Variants in TMEM116 observed in about 807,000 individuals in gnomAD.
TMEM116 encodes transmembrane protein 116.
In TMEM116, 38 loss-of-function variants were observed where a neutral mutation model predicts 44.3. The observed-to-expected ratio is 0.86, with a 90% CI of 0.66 to 1.12. The LOEUF (loss-of-function observed/expected upper bound fraction) is 1.12. TMEM116 is among the 50% of genes most tolerant of loss of function. The pLI is 0.00. For missense variants in TMEM116, 354 were observed against 401.7 expected (o/e 0.88, Z 1.01); for synonymous variants, 132 against 144.8 (o/e 0.91, Z 0.64).
At chr12:111,939,416 G>A (rs979620094) in intron 5 of TMEM116, among the ~76,000 whole-genome samples, 1 of 143,298 alleles carries the variant, frequency 7.0e-6, no homozygotes, top group African/African-American at 2.6e-5. Flanking sequence ...TCATGCCACT[G>A]CACTCCAGCC....
intron 4 of TMEM116, among the ~76,000 whole-genome samples, chr12:111,979,085 C>T (rs1343633411): frequency 6.6e-6 from 1 of 152,010 alleles, no homozygotes; most frequent in Non-Finnish European, 1.5e-5. Context: ...AGGAGAAAAT[C>T]TAGATGACCT....
chr12:111,969,965 T>C (rs1403697332), intron 4 of TMEM116, among the ~76,000 whole-genome samples: 5 of 151,788 alleles, frequency 3.3e-5, no homozygotes, highest in East Asian at 1.9e-4. Flanking sequence ...AGTGTAGCAA[T>C]AGAAAATATC....
chr12:111,957,505 C>T (rs1442521595), intron 4 of TMEM116, among the ~76,000 whole-genome samples: 44 of 150,994 alleles, frequency 2.9e-4, no homozygotes, highest in Non-Finnish European at 5.6e-4. Flanking sequence ...GGGGCAGCGC[C>T]CCCCTGGCCA....
rs867756276 is a variant in TMEM116, at chr12:112,013,150, G to C, written c.-182C>G. The C allele has an allele frequency of 8.7e-6, 3 of 343,192 alleles. No homozygotes were observed. Among genetic ancestry groups the C allele is most frequent in the African/African-American group, 2.1e-5 (1 of 47,152 alleles). The allele number at this position is 343,192 out of a possible 1,614,324, so 21.3% of individuals were successfully genotyped here. Reference sequence around the variant, plus strand: ...CGCACTTGGCGCTTCTCCTCAAGCGGAGCAGGAACGGAACTGGGCGGACCC... The same window carrying C: ...CGCACTTGGCGCTTCTCCTCAAGCGCAGCAGGAACGGAACTGGGCGGACCC... On this transcript the variant is annotated 5_prime_UTR_variant, in exon 1 of 11. Transcript: ENST00000552374.
chr12:111,954,232 C>G (rs11066099), intron 4 of TMEM116, among the ~76,000 whole-genome samples: 53,994 of 151,968 alleles, frequency 0.36, 14,086 homozygotes, highest in East Asian at 0.85. Flanking sequence ...CAAAAGGTCA[C>G]TGAGGGAGTG....
At chr12:111,955,998 G>A (rs1157734616) in intron 4 of TMEM116, among the ~76,000 whole-genome samples, 1 of 152,150 alleles carries the variant, frequency 6.6e-6, no homozygotes, top group South Asian at 2.1e-4. Context: ...TATTGCTGTC[G>A]TTAAACGATG....
chr12:111,980,901 T>G (rs1021295477), intron 4 of TMEM116, among the ~76,000 whole-genome samples: 1 of 151,880 alleles, frequency 6.6e-6, no homozygotes, highest in Non-Finnish European at 1.5e-5. Flanking sequence ...TGGTGAAACC[T>G]CCTCTCCACA....
At chr12:111,956,813 T>A (rs1371902148) in intron 4 of TMEM116, among the ~76,000 whole-genome samples, 3 of 152,188 alleles carry the variant, frequency 2.0e-5, no homozygotes, top group Non-Finnish European at 2.9e-5. Flanking sequence ...GCTCACTCAG[T>A]GCTCAATGTT....
chr12:112,011,530 A>G (rs1035814924), intron 1 of TMEM116: 10 of 152,212 alleles, frequency 6.6e-5, no homozygotes, highest in Admixed American at 2.6e-4. Context: ...TTTGTTCATC[A>G]AATCTTGTGA....
At chr12:111,997,333 T>C (rs2076980776) in intron 3 of TMEM116, among the ~76,000 whole-genome samples, 1 of 152,114 alleles carries the variant, frequency 6.6e-6, no homozygotes, top group Non-Finnish European at 1.5e-5. Flanking sequence ...GCGGGAAGAC[T>C]GAATGAAGCC....
intron 4 of TMEM116, among the ~76,000 whole-genome samples, chr12:111,978,197 C>T (rs561767955): frequency 1.1e-4 from 16 of 151,162 alleles, no homozygotes; most frequent in South Asian, 2.1e-4. Context: ...GTCAGGAGTT[C>T]GAGACCAGCC....
intron 4 of TMEM116, among the ~76,000 whole-genome samples, chr12:111,962,709 A>G (rs112243554): frequency 6.6e-6 from 1 of 152,318 alleles, no homozygotes; most frequent in South Asian, 2.1e-4. Flanking sequence ...AACCATAAAA[A>G]CCCTAGAAGA....
chr12:111,953,522 G>A (rs1424557529), intron 4 of TMEM116, among the ~76,000 whole-genome samples: 6 of 152,112 alleles, frequency 3.9e-5, no homozygotes, highest in African/African-American at 1.4e-4. Context: ...CTGATAATAA[G>A]AACCATCACA....
intron 4 of TMEM116, among the ~76,000 whole-genome samples, chr12:111,953,605 A>T (rs2073891924): frequency 6.6e-6 from 1 of 152,240 alleles, no homozygotes; most frequent in South Asian, 2.1e-4. Context: ...TACTTATGCA[A>T]GGATATCTGC....
At chr12:112,007,486 G>C (rs79888521) in intron 1 of TMEM116, among the ~76,000 whole-genome samples, 2 of 152,078 alleles carry the variant, frequency 1.3e-5, no homozygotes, top group Non-Finnish European at 2.9e-5. Context: ...ATAGTCTATA[G>C]CGGAAGACCA....
chr12:111,989,470 G>A lies in TMEM116; in HGVS notation c.210+2288C>T, dbSNP rs903507279. On this transcript the variant is annotated intron_variant, in intron 4 of 10. Transcript: ENST00000552374. Reference sequence around the variant, plus strand: ...ACAGTCTCAAACCAGCGTAGCCAAGGCTTATAGAACTAAATTGAGATTTGA... The same window carrying A: ...ACAGTCTCAAACCAGCGTAGCCAAGACTTATAGAACTAAATTGAGATTTGA... Among the ~76,000 whole-genome samples, 7 of 152,160 alleles carry A rather than the reference G, an allele frequency of 4.6e-5. No individual in the cohort carries two copies. The East Asian group carries it at 1.3e-3, about 29-fold the overall frequency.
At chr12:111,933,489 CTTTTTTTTT>C (rs202131081) in intron 9 of TMEM116, among the ~76,000 whole-genome samples, 2 of 134,810 alleles carry the variant, frequency 1.5e-5, no homozygotes, top group Admixed American at 1.5e-4. Flanking sequence ...AGCCATCCTT[CTTTTTTTTT>C]TTTTTTTTGA....
At chr12:111,972,076 GAAAAAAA>G (rs762088997) in intron 4 of TMEM116, among the ~76,000 whole-genome samples, 1 of 57,534 alleles carries the variant, frequency 1.7e-5, no homozygotes, top group Non-Finnish European at 3.5e-5. Flanking sequence ...CCCTATCTGT[GAAAAAAA>G]AAAAAAAAAA....
chr12:111,947,199 A>G (rs1365820401), intron 4 of TMEM116, among the ~76,000 whole-genome samples: 1 of 147,700 alleles, frequency 6.8e-6, no homozygotes, highest in African/African-American at 2.5e-5. Flanking sequence ...GCTTTTAAAG[A>G]CTTTTGATGG....
Sources: allele counts gnomAD v4.1 joint callset (sites outside exome capture counted in the v4.1 genomes callset), GRCh38; gene constraint gnomAD v4.1.1; transcripts MANE v1.5; gene names NCBI Gene and HGNC (gene_info 2026-07-23, HGNC 2026-07-21).